TTLL4: variants seen among roughly 807,000 people sequenced by gnomAD.
The protein encoded by TTLL4 is tubulin monoglutamylase TTLL4.
In TTLL4, 85 loss-of-function variants were observed where a neutral mutation model predicts 122.7. The observed-to-expected ratio is 0.69, with a 90% CI of 0.58 to 0.83. The LOEUF (loss-of-function observed/expected upper bound fraction) is 0.83. Ranked by LOEUF, TTLL4 falls within the 40% of genes least tolerant of loss-of-function variation. TTLL4 has a pLI of 0.00. For synonymous variants in TTLL4, 553 were observed against 563.0 expected (o/e 0.98, Z 0.25); for missense variants, 1,363 against 1,488.6 (o/e 0.92, Z 1.39).
At chr2:218,725,291 C>G (rs917667332) in intron 1 of TTLL4, among the ~76,000 whole-genome samples, 1 of 152,204 alleles carries the variant, frequency 6.6e-6, no homozygotes, top group Non-Finnish European at 1.5e-5. Context: ...GTATTCACAG[C>G]TCACCACAGC....
rs115044478 is a variant in TTLL4 at position 218,719,300 on chromosome 2, G to C, written c.-177-7969G>C. ...TAAAAGCCATCATGAAGCTTATAGG[G>C]CATATCACTAGGGTAAGTGAACAGT... On this transcript the variant is annotated intron_variant, in intron 1 of 19. Coordinates refer to ENST00000392102, the MANE Select transcript of TTLL4 (RefSeq NM_014640.5). Among the ~76,000 whole-genome samples the C allele has an allele frequency of 3.2e-3, 487 of 152,216 alleles. 1 individual carries two copies. The highest frequency in any genetic ancestry group is 0.011 in the African/African-American group (448 of 41,534).
intron 1 of TTLL4, among the ~76,000 whole-genome samples, chr2:218,711,886 T>TTTTTTTTTTTTTTTTTTTTTTTTTTG (rs1357357418): frequency 6.6e-6 from 1 of 150,788 alleles, no homozygotes; most frequent in Non-Finnish European, 1.5e-5. Context: ...ACCTATTCTT[T>TTTTTTTTTTTTTTTTTTTTTTTTTTG]AACTGCAGCA....
chr2:218,743,135 ACT>A (rs369192884), intron 5 of TTLL4, among the ~76,000 whole-genome samples: 7 of 149,680 alleles, frequency 4.7e-5, no homozygotes, highest in South Asian at 2.1e-4. Context: ...CAAGAGCAAG[ACT>A]CTGTCTCAAA....
At chr2:218,733,739 TC>T (rs1285883489) in intron 2 of TTLL4, among the ~76,000 whole-genome samples, 1 of 152,258 alleles carries the variant, frequency 6.6e-6, no homozygotes, top group Non-Finnish European at 1.5e-5. Context: ...TAGGCATGTA[TC>T]CTTGTCCTCC....
intron 1 of TTLL4, among the ~76,000 whole-genome samples, chr2:218,719,547 T>C (rs1489693733): frequency 1.4e-5 from 2 of 143,350 alleles, no homozygotes; most frequent in African/African-American, 5.2e-5. Flanking sequence ...GAGTTCAAGG[T>C]AGGAGGAAAT....
At chr2:218,718,337 G>A (rs1941928762) in intron 1 of TTLL4, among the ~76,000 whole-genome samples, 1 of 152,046 alleles carries the variant, frequency 6.6e-6, no homozygotes, top group South Asian at 2.1e-4. Context: ...CTGGTCCCTG[G>A]AGACTTGTTG....
chr2:218,753,802 C>G, intron 19 of TTLL4, 133 bp downstream of exon 19: 1 of 956,042 alleles, frequency 1.0e-6, no homozygotes, highest in Admixed American at 2.0e-5. Context: ...TCAGGACATG[C>G]AGCCATAGCA....
intron 1 of TTLL4, among the ~76,000 whole-genome samples, chr2:218,718,779 A>G (rs1941944764): frequency 6.6e-6 from 1 of 152,208 alleles, no homozygotes; most frequent in East Asian, 1.9e-4. Flanking sequence ...AGAACTGTAT[A>G]GGCAGTTTCC....
At chr2:218,716,445 A>G (rs1417953870) in intron 1 of TTLL4, among the ~76,000 whole-genome samples, 4 of 135,690 alleles carry the variant, frequency 2.9e-5, no homozygotes, top group Non-Finnish European at 4.4e-5. Flanking sequence ...TATCACACAG[A>G]ATATTAAAAA....
intron 2 of TTLL4, among the ~76,000 whole-genome samples, chr2:218,731,520 ATTCC>A (rs1476945565): frequency 2.0e-5 from 3 of 152,122 alleles, no homozygotes; most frequent in Non-Finnish European, 4.4e-5. Context: ...ATTGTTGCCT[ATTCC>A]TTGTATTTTT....
rs1943099477 is a variant in TTLL4, at chr2:218,754,153, G to A, written c.3364G>A (p.Val1122Ile). Reference protein sequence around the residue: ...SKLGKQSSCEVSLLLSEDGTT... With the variant: ...SKLGKQSSCEISLLLSEDGTT... Reference sequence around the variant, plus strand: ...CTCCAGAAAACAAAGCTCCTGTGAGGTTAGCCTACTACTCTCTGAAGACGG... The same window carrying A: ...CTCCAGAAAACAAAGCTCCTGTGAGATTAGCCTACTACTCTCTGAAGACGG... The change falls in exon 20 of 20, where the codon GTT becomes ATT. Residue 1122 changes from valine to isoleucine, a missense_variant. Val to Ile is a conservative substitution (Grantham distance 29, BLOSUM62 3). Around this residue, in one of 3 missense-constraint regions of TTLL4, gnomAD observed 596 missense variants for 655.8 expected, o/e 0.91. Coordinates refer to ENST00000392102, the MANE Select transcript of TTLL4 (RefSeq NM_014640.5). 6.2e-7 allele frequency: 1 copy of A among 1,614,022 alleles called. No homozygotes were observed. Among genetic ancestry groups the A allele is most frequent in the African/African-American group, 1.3e-5 (1 of 74,894 alleles).
At chr2:218,745,081 T>C in intron 5 of TTLL4, 28 bp from the exon 6 acceptor site, 1 of 1,612,922 alleles carries the variant, frequency 6.2e-7, no homozygotes, top group South Asian at 1.1e-5. Context: ...TTTCCCTTTC[T>C]CTACTCCATG....
intron 11 of TTLL4, 45 bp from the exon 12 acceptor site, chr2:218,748,060 G>T (rs1430548647): frequency 1.2e-6 from 2 of 1,613,078 alleles, no homozygotes; most frequent in Non-Finnish European, 1.7e-6. Flanking sequence ...TTCTCCATCT[G>T]CTCTGTTACC....
At position 218,747,722 on chromosome 2, in the gene TTLL4, G is replaced by T. The variant is rs145485253; in HGVS notation, c.2375G>T (p.Cys792Phe). 1 of 1,614,106 alleles carries T rather than the reference G, an allele frequency of 6.2e-7. No homozygotes were observed. Among genetic ancestry groups the T allele is most frequent in the African/African-American group, 1.3e-5 (1 of 74,944 alleles). ...GATGGACTGGTCCGCTTTGCCAGTT[G>T]CAAGTATGTGACAGTGGTGAGGTAT... ...FSDGLVRFAS[C>F]KYSPSMKSLG... The change falls in exon 11 of 20, where the codon TGC (cysteine) becomes TTC (phenylalanine). Residue 792 changes from cysteine (C) to phenylalanine (F), a missense_variant. Physicochemically the swap from Cys to Phe is radical, Grantham distance 205. Coordinates refer to ENST00000392102, the MANE Select transcript of TTLL4 (RefSeq NM_014640.5). This position sits in a 1 kb window ranked among gnomAD's most constrained non-coding sequence, Gnocchi z 4.7.
At chr2:218,734,663 C>T (rs932886875) in intron 2 of TTLL4, among the ~76,000 whole-genome samples, 4 of 152,144 alleles carry the variant, frequency 2.6e-5, no homozygotes, top group Non-Finnish European at 5.9e-5. Context: ...GGCTGTTTTT[C>T]AGGGGGACCA....
In TTLL4 at chr2:218,747,114, T is replaced by G. The variant is rs753259294; in HGVS notation, c.2086T>G (p.Ser696Ala). 9.3e-6 allele frequency: 15 copies of G among 1,614,056 alleles called. No individual in the cohort carries two copies. Among genetic ancestry groups the G allele is most frequent in the Non-Finnish European group, 1.3e-5 (15 of 1,180,040 alleles). The change falls in exon 9 of 20, where the codon TCC becomes GCC. Residue 696 changes from serine to alanine, a missense_variant. By Grantham distance (99) the Ser-to-Ala change is moderately conservative (BLOSUM62 1). Coordinates refer to ENST00000392102, the MANE Select transcript of TTLL4 (RefSeq NM_014640.5). This position sits in a 1 kb window ranked among gnomAD's most constrained non-coding sequence, Gnocchi z 4.7. ...GAAGGAGTTCAGTTTCTTCCCCCAG[T>G]CCTTTATCCTGCCCCAGGACGCCAA... ...GKKEFSFFPQ[S>A]FILPQDAKLL...
At chr2:218,756,535 C>T (rs12611632), downstream of TTLL4, among the ~76,000 whole-genome samples, 75,571 of 151,914 alleles carry the variant, frequency 0.5, 19,530 homozygotes, top group African/African-American at 0.61. Context: ...GACTTACATA[C>T]CACATTTACC....
At chr2:218,731,788 C>G (rs1942388928) in intron 2 of TTLL4, among the ~76,000 whole-genome samples, 1 of 152,174 alleles carries the variant, frequency 6.6e-6, no homozygotes, top group Non-Finnish European at 1.5e-5. Context: ...GATCAGTGCT[C>G]TGATTGTCAT....
At chr2:218,743,934 C>G (rs1189638375) in intron 5 of TTLL4, among the ~76,000 whole-genome samples, 1 of 152,208 alleles carries the variant, frequency 6.6e-6, no homozygotes, top group Non-Finnish European at 1.5e-5. Flanking sequence ...CTGCCTCAGC[C>G]TCCCAAAGTG....
Sources: allele counts gnomAD v4.1 joint callset (sites outside exome capture counted in the v4.1 genomes callset), GRCh38; gene constraint gnomAD v4.1.1; regional missense constraint gnomAD v4.1.1; non-coding constraint Gnocchi (gnomAD v3.1); transcripts MANE v1.5; gene names NCBI Gene and HGNC (gene_info 2026-07-23, HGNC 2026-07-21).